Variants in DUSP5 observed in about 807,000 individuals in gnomAD.
The protein encoded by DUSP5 is dual specificity phosphatase 5.
DUSP5 carries 22 observed loss-of-function variants against 33.6 expected under a neutral mutation model. That is an observed-to-expected ratio of 0.66 (90% CI 0.47 to 0.94). The LOEUF (loss-of-function observed/expected upper bound fraction) is 0.94, where lower values mean the gene tolerates loss of function less well. DUSP5 is among the 40% of genes least tolerant of loss of function. DUSP5 has a pLI of 0.00. For synonymous variants in DUSP5, 270 were observed against 231.1 expected, an observed-to-expected ratio of 1.17 and a Z score of -1.53; for missense variants, 551 against 522.1, an observed-to-expected ratio of 1.06 and a Z score of -0.54.
intron 1 of DUSP5, among the ~76,000 whole-genome samples, chr10:110,499,161 CT>C (rs1860006108): frequency 6.6e-6 from 1 of 152,080 alleles, no homozygotes; most frequent in Non-Finnish European, 1.5e-5. Flanking sequence ...CCATCCTGAG[CT>C]GAGCCTACAG....
intron 3 of DUSP5, among the ~76,000 whole-genome samples, chr10:110,508,697 G>A (rs1860149969): frequency 6.6e-6 from 1 of 152,226 alleles, no homozygotes; most frequent in Non-Finnish European, 1.5e-5. Flanking sequence ...AACTTTGAAG[G>A]AGGCCAACAG....
intron 3 of DUSP5, among the ~76,000 whole-genome samples, chr10:110,509,443 A>C (rs1421354229): frequency 1.3e-5 from 2 of 152,220 alleles, no homozygotes; most frequent in Non-Finnish European, 2.9e-5. Flanking sequence ...TGAGCCAAGC[A>C]TCCTGCCCTG....
intron 1 of DUSP5, 80 bp downstream of exon 1, chr10:110,498,580 C>A: frequency 7.5e-7 from 1 of 1,336,684 alleles, no homozygotes; most frequent in South Asian, 1.8e-5. Flanking sequence ...CCCTCCTACA[C>A]CCTGGGACCG....
rs940936738 is a variant in DUSP5, at chr10:110,510,242, C to T, written c.971C>T (p.Pro324Leu). ...GAGATCCTGCCCTCCACGCCCAACC[C>T]CCAGCCTCCCTCCTGCCAAGGGGAG... ...ESEILPSTPN[P>L]QPPSCQGEAA... The change falls in exon 4 of 4, where the codon CCC (proline) becomes CTC (leucine). Residue 324 changes from proline to leucine, a missense_variant. Pro to Leu is a moderately conservative substitution (Grantham distance 98). Transcript: ENST00000369583. 1.9e-6 allele frequency: 3 copies of T among 1,614,180 alleles called. No individual in the cohort carries two copies. Among genetic ancestry groups the T allele is most frequent in the East Asian group, 2.2e-5 (1 of 44,876 alleles).
intron 3 of DUSP5, among the ~76,000 whole-genome samples, chr10:110,508,168 T>G (rs1860141635): frequency 6.6e-6 from 1 of 152,112 alleles, no homozygotes; most frequent in Non-Finnish European, 1.5e-5. Flanking sequence ...CAGGAAACCC[T>G]GACGAGAAAC....
intron 1 of DUSP5, among the ~76,000 whole-genome samples, chr10:110,499,257 C>T (rs1860008081): frequency 6.6e-6 from 1 of 152,174 alleles, no homozygotes; most frequent in South Asian, 2.1e-4. Context: ...CCGGAGCTAC[C>T]GCCACAGGCC....
chr10:110,501,271 AC>A (rs986691610), intron 1 of DUSP5, among the ~76,000 whole-genome samples: 35 of 152,284 alleles, frequency 2.3e-4, no homozygotes, highest in African/African-American at 8.4e-4. Flanking sequence ...TGCCTATAGC[AC>A]CATCTTGCAC....
intron 3 of DUSP5, 61 bp downstream of exon 3, chr10:110,507,215 C>A: frequency 6.6e-7 from 1 of 1,515,944 alleles, no homozygotes; most frequent in Non-Finnish European, 9.0e-7. Context: ...GTGTTCTTGA[C>A]TTTTGATGCC....
intron 1 of DUSP5, among the ~76,000 whole-genome samples, chr10:110,499,105 C>T (rs953061153): frequency 1.3e-5 from 2 of 152,150 alleles, no homozygotes; most frequent in African/African-American, 4.8e-5. Flanking sequence ...ATCCTTTCCA[C>T]CCTTTTCACC....
At chr10:110,507,782 C>T (rs1037422264) in intron 3 of DUSP5, among the ~76,000 whole-genome samples, 1 of 152,250 alleles carries the variant, frequency 6.6e-6, no homozygotes, top group African/African-American at 2.4e-5. Context: ...GCCTTGGCCT[C>T]TGGTCCCTCT....
intron 2 of DUSP5, among the ~76,000 whole-genome samples, chr10:110,504,563 G>T (rs909407058): frequency 6.6e-6 from 1 of 152,162 alleles, no homozygotes; most frequent in South Asian, 2.1e-4. Context: ...AGTGTCCATT[G>T]GTGGGGACCC....
chr10:110,499,614 C>G (rs1247571650), intron 1 of DUSP5, among the ~76,000 whole-genome samples: 1 of 152,196 alleles, frequency 6.6e-6, no homozygotes, highest in Non-Finnish European at 1.5e-5. Flanking sequence ...CAGGAAGATT[C>G]TGGAGACAGT....
chr10:110,506,556 T>A (rs1419208532), intron 2 of DUSP5, among the ~76,000 whole-genome samples: 2 of 152,352 alleles, frequency 1.3e-5, no homozygotes, highest in East Asian at 3.9e-4. Flanking sequence ...GCATAGGAGA[T>A]TGCCCTGGTA....
At chr10:110,502,220 A>C (rs1860060544) in intron 1 of DUSP5, among the ~76,000 whole-genome samples, 1 of 152,186 alleles carries the variant, frequency 6.6e-6, no homozygotes, top group Non-Finnish European at 1.5e-5. Context: ...TACTGCCCTG[A>C]GTCGAAATGA....
Position 110,502,811 on chromosome 10 carries a change from T to G in DUSP5, c.470T>G (p.Leu157Arg). 1 of 1,614,208 alleles carries G rather than the reference T, an allele frequency of 6.2e-7. No individual in the cohort carries two copies. Among genetic ancestry groups the G allele is most frequent in the Non-Finnish European group, 8.5e-7 (1 of 1,180,040 alleles). The change falls in exon 2 of 4, where the codon CTC becomes CGC. Residue 157 changes from leucine to arginine, a missense_variant. This residue lies in a region of DUSP5 where 381 missense variants were observed against 310.4 expected (regional missense o/e 1.23). Transcript: ENST00000369583. ...GAGAAGATTGAGAGTGAGAGAGCCC[T>G]CATCAGCCAGTGTGGAAAACCAGTG... The part of the protein sequence containing the change: ...SQEKIESERA[L>R]ISQCGKPVVN...
intron 2 of DUSP5, among the ~76,000 whole-genome samples, chr10:110,505,046 C>T (rs182774964): frequency 6.6e-5 from 10 of 152,288 alleles, no homozygotes; most frequent in East Asian, 3.9e-4. Context: ...CTGCTCTGTA[C>T]GCATGGAAGT....
Position 110,498,361 on chromosome 10 carries a change from C to T in DUSP5, c.240C>T (p.Gly80=), listed in dbSNP as rs545263710. The change falls in exon 1 of 4, where the codon GGC becomes GGT. Residue 80 remains glycine, a synonymous_variant. Coordinates refer to ENST00000369583, the MANE Select transcript of DUSP5 (RefSeq NM_004419.4). ...AARARLLQEG[G]GGVAAVVVLD... is the part of the protein sequence containing the mutation. The stretch of plus-strand genomic sequence containing the variant: ...GCGCGCGGCTCCTGCAGGAGGGCGG[C>T]GGCGGCGTCGCGGCCGTGGTGGTGC... The T allele has an allele frequency of 5.1e-3, 7,144 of 1,397,894 alleles. 29 individuals carry two copies. The highest frequency in any genetic ancestry group is 6.1e-3 in the Non-Finnish European group (6,562 of 1,074,820). The allele number at this position is 1,397,894 out of a possible 1,614,324, so 86.6% of individuals were successfully genotyped here.
At chr10:110,502,002 A>T (rs1860057335) in intron 1 of DUSP5, among the ~76,000 whole-genome samples, 1 of 151,730 alleles carries the variant, frequency 6.6e-6, no homozygotes, top group African/African-American at 2.4e-5. Context: ...GAGAAGTAAG[A>T]AAAGTGGGGA....
chr10:110,502,852 A>T lies in DUSP5; in HGVS notation c.511A>T (p.Arg171Trp). Residue 171 changes from arginine (R) to tryptophan (W), a missense_variant, in exon 2 of 4, where the codon AGG becomes TGG. Arg to Trp is a moderately radical substitution (Grantham distance 101, BLOSUM62 -3). Around this residue, in one of 3 missense-constraint regions of DUSP5, gnomAD observed 381 missense variants for 310.4 expected, o/e 1.23. Transcript: ENST00000369583. ...CGKPVVNVSY[R>W]PAYDQGGPVE... ...AAAACCAGTGGTAAATGTCAGCTAC[A>T]GGCCAGCTTATGACCAGGTACGTGA... 1 of 1,614,230 alleles carries T rather than the reference A, an allele frequency of 6.2e-7. No homozygotes were observed. The highest frequency in any genetic ancestry group is 8.5e-7 in the Non-Finnish European group (1 of 1,180,034).
Sources: allele counts gnomAD v4.1 joint callset (sites outside exome capture counted in the v4.1 genomes callset), GRCh38; gene constraint gnomAD v4.1.1; regional missense constraint gnomAD v4.1.1; transcripts MANE v1.5; gene names NCBI Gene and HGNC (gene_info 2026-07-23, HGNC 2026-07-21).